Variants in ASTN1 observed in about 807,000 individuals in gnomAD.
ASTN1 encodes the protein astrotactin-1.
Under a neutral mutation model 140.7 loss-of-function variants are expected in ASTN1, and 41 were observed. The ratio of observed to expected loss-of-function variants is 0.29; its 90% CI spans 0.23 to 0.38. ASTN1 has a LOEUF of 0.38. ASTN1 is among the 10% of genes least tolerant of loss of function. ASTN1 has a pLI of 1.00. For missense variants in ASTN1, 1,479 were observed against 1,678.8 expected (o/e 0.88, Z 2.08); for synonymous variants, 640 against 652.2 (o/e 0.98, Z 0.29).
At position 176,942,831 on chromosome 1, in the gene ASTN1, TA is replaced by T. The variant is rs1671785245; in HGVS notation, c.2377+1059del. Among the ~76,000 whole-genome samples, 9 of 25,214 alleles carry T rather than the reference TA, an allele frequency of 3.6e-4. 1 individual carries two copies. Among genetic ancestry groups the T allele is most frequent in the African/African-American group, 6.3e-4 (3 of 4,774 alleles). The allele number at this position is 25,214 out of a possible 152,430, so 16.5% of individuals were successfully genotyped here. ...TACTTTGTGTGTGTGTATATATATA[TA>T]TATGTATATATATATATATATATAT... On this transcript the variant is annotated intron_variant, in intron 14 of 22. Transcript: ENST00000361833.
chr1:176,941,345 A>G (rs1557976726), intron 14 of ASTN1, among the ~76,000 whole-genome samples: 1 of 152,216 alleles, frequency 6.6e-6, no homozygotes, highest in Non-Finnish European at 1.5e-5. Context: ...CTTAACAAAA[A>G]TAGGTTAAAA....
chr1:176,957,000 G>A (rs561695040), intron 11 of ASTN1, among the ~76,000 whole-genome samples: 1 of 152,188 alleles, frequency 6.6e-6, no homozygotes, highest in South Asian at 2.1e-4. Flanking sequence ...TGGGCTCAAG[G>A]AATCCTTCTG....
rs1667956568 is a variant in ASTN1 at position 176,861,403 on chromosome 1, G to A, written c.*2881C>T. ...GGACATGGGAGCTGGGAGAGTGTTG[G>A]TGGGATATAAGCACCTCCCTTAAGA... On this transcript the variant is annotated 3_prime_UTR_variant, in exon 23 of 23. Transcript: ENST00000361833. 6 of 985,764 alleles carry A rather than the reference G, an allele frequency of 6.1e-6. No individual in the cohort carries two copies. The highest frequency in any genetic ancestry group is 5.2e-4 in the Middle Eastern group (1 of 1,936). 61.1% of individuals were successfully genotyped at this position (985,764 alleles called of 1,614,324 possible).
At chr1:177,152,578 C>A (rs1416884249) in intron 1 of ASTN1, among the ~76,000 whole-genome samples, 2 of 150,722 alleles carry the variant, frequency 1.3e-5, no homozygotes, top group African/African-American at 4.9e-5. Context: ...AAGATTTGAA[C>A]AAATGCAAAT....
chr1:176,901,444 G>A (rs749328493), intron 16 of ASTN1, among the ~76,000 whole-genome samples: 1 of 152,168 alleles, frequency 6.6e-6, no homozygotes, highest in South Asian at 2.1e-4. Flanking sequence ...GGTGTCCTGG[G>A]TCAGTGAAAC....
chr1:177,086,683 G>A (rs1679485871), intron 1 of ASTN1, among the ~76,000 whole-genome samples: 1 of 152,072 alleles, frequency 6.6e-6, no homozygotes, highest in African/African-American at 2.4e-5. Context: ...TGCAAAATAT[G>A]AGCTCAGTTT....
intron 1 of ASTN1, among the ~76,000 whole-genome samples, chr1:177,063,806 C>A (rs1162442148): frequency 6.6e-6 from 1 of 152,268 alleles, no homozygotes; most frequent in South Asian, 2.1e-4. Flanking sequence ...ATAAAAATCA[C>A]AAGCTGTCAT....
intron 11 of ASTN1, among the ~76,000 whole-genome samples, chr1:176,952,984 T>C (rs1672254527): frequency 6.6e-6 from 1 of 152,222 alleles, no homozygotes; most frequent in African/African-American, 2.4e-5. Context: ...AACAAAAAGG[T>C]TGAGCAAATG....
intron 1 of ASTN1, among the ~76,000 whole-genome samples, chr1:177,102,609 A>C (rs1269468905): frequency 6.6e-6 from 1 of 152,230 alleles, no homozygotes; most frequent in African/African-American, 2.4e-5. Context: ...AAAATTAAAA[A>C]GGCTTAAACA....
At chr1:176,945,788 G>A (rs1671929162) in intron 13 of ASTN1, 138 bp downstream of exon 13, 1 of 774,294 alleles carries the variant, frequency 1.3e-6, no homozygotes, top group Non-Finnish European at 1.9e-6. Context: ...AGAAGACCAA[G>A]GGTAAGAATG....
intron 2 of ASTN1, among the ~76,000 whole-genome samples, chr1:177,060,699 C>G (rs1449559185): frequency 6.6e-6 from 1 of 152,144 alleles, no homozygotes; most frequent in Non-Finnish European, 1.5e-5. Flanking sequence ...TGGGGTTTCA[C>G]CATGTTGGCT....
At chr1:177,144,760 G>C (rs992610945) in intron 1 of ASTN1, among the ~76,000 whole-genome samples, 2 of 151,842 alleles carry the variant, frequency 1.3e-5, no homozygotes, top group Non-Finnish European at 2.9e-5. Flanking sequence ...CTTTAGACTA[G>C]AAAATGATTT....
At chr1:177,050,791 C>A (rs911142351) in intron 2 of ASTN1, among the ~76,000 whole-genome samples, 2 of 152,136 alleles carry the variant, frequency 1.3e-5, no homozygotes, top group Non-Finnish European at 2.9e-5. Flanking sequence ...CTCACAAAAA[C>A]CAACTTTATT....
At chr1:176,889,441 C>G (rs1669175019) in intron 17 of ASTN1, among the ~76,000 whole-genome samples, 1 of 151,822 alleles carries the variant, frequency 6.6e-6, no homozygotes, top group Non-Finnish European at 1.5e-5. Context: ...ACCTGGCTAT[C>G]CTTGAAAATT....
At position 177,084,811 on chromosome 1, in the gene ASTN1, C is replaced by CT. The variant is rs146725322; in HGVS notation, c.284-23547dup. Among the ~76,000 whole-genome samples, 657 of 149,984 alleles carry CT rather than the reference C, an allele frequency of 4.4e-3. 3 individuals are homozygous for CT. Among genetic ancestry groups the CT allele is most frequent in the Non-Finnish European group, 6.9e-3 (464 of 67,450 alleles). ...TAATTTTAGCTTTTCTTACTGCCTT[C>CT]TTTTTTTTTTCATCAATTGTCCAAC... On this transcript the variant is annotated intron_variant, in intron 1 of 22. Coordinates refer to ENST00000361833, the MANE Select transcript of ASTN1 (RefSeq NM_004319.3).
At chr1:176,905,434 C>T (rs140057061) in intron 16 of ASTN1, among the ~76,000 whole-genome samples, 4 of 152,276 alleles carry the variant, frequency 2.6e-5, no homozygotes, top group East Asian at 1.9e-4. Flanking sequence ...CTACTCCAAC[C>T]GGCAAGGGAA....
intron 16 of ASTN1, among the ~76,000 whole-genome samples, chr1:176,909,224 G>A (rs1009711636): frequency 3.3e-5 from 5 of 152,220 alleles, no homozygotes; most frequent in Non-Finnish European, 7.3e-5. Flanking sequence ...CAGCCTCACA[G>A]GTTGAGAAAG....
At chr1:177,126,435 G>A (rs989930318) in intron 1 of ASTN1, among the ~76,000 whole-genome samples, 1 of 152,160 alleles carries the variant, frequency 6.6e-6, no homozygotes, top group African/African-American at 2.4e-5. Context: ...CAAATGAAAT[G>A]CGATACTCTA....
chr1:177,107,318 A>G (rs1443346439), intron 1 of ASTN1, among the ~76,000 whole-genome samples: 1 of 152,258 alleles, frequency 6.6e-6, no homozygotes, highest in Non-Finnish European at 1.5e-5. Flanking sequence ...AAACTTGAGC[A>G]AATAAACAAG....
Sources: allele counts gnomAD v4.1 joint callset (sites outside exome capture counted in the v4.1 genomes callset), GRCh38; gene constraint gnomAD v4.1.1; transcripts MANE v1.5; gene names NCBI Gene and HGNC (gene_info 2026-07-23, HGNC 2026-07-21).